Variants in TRPC4 observed in about 807,000 individuals in gnomAD.
TRPC4 encodes the protein transient receptor potential cation channel subfamily C member 4.
In TRPC4, 49 loss-of-function variants were observed where a neutral mutation model predicts 99.4. The ratio of observed to expected loss-of-function variants is 0.49; its 90% CI spans 0.39 to 0.63. The LOEUF (loss-of-function observed/expected upper bound fraction) is 0.63. Ranked by LOEUF, TRPC4 falls within the 20% of genes least tolerant of loss-of-function variation. The probability of loss-of-function intolerance (pLI) is 0.00; values close to 1 mark genes in which losing one functional copy is unlikely to be tolerated. For synonymous variants in TRPC4, 454 were observed against 425.9 expected (o/e 1.07, Z -0.81); for missense variants, 898 against 1,152.9 (o/e 0.78, Z 3.20).
intron 3 of TRPC4, among the ~76,000 whole-genome samples, chr13:37,729,844 C>A (rs1326736438): frequency 6.6e-6 from 1 of 152,108 alleles, no homozygotes; most frequent in Non-Finnish European, 1.5e-5. Context: ...TCATTAAACA[C>A]TAACTCCTCA....
At chr13:37,681,431 G>C (rs1953235083) in intron 4 of TRPC4, among the ~76,000 whole-genome samples, 1 of 152,094 alleles carries the variant, frequency 6.6e-6, no homozygotes, top group Non-Finnish European at 1.5e-5. Flanking sequence ...ATGTCTGTTG[G>C]CTAATGTGGT....
chr13:37,806,969 C>T (rs1408880796), intron 1 of TRPC4, among the ~76,000 whole-genome samples: 1 of 151,928 alleles, frequency 6.6e-6, no homozygotes, highest in African/African-American at 2.4e-5. Context: ...ATCTCTATTC[C>T]CAGAGAACTG....
At chr13:37,819,282 G>T (rs1412686038) in intron 1 of TRPC4, among the ~76,000 whole-genome samples, 1 of 151,952 alleles carries the variant, frequency 6.6e-6, no homozygotes, top group Non-Finnish European at 1.5e-5. Flanking sequence ...ATTTCTCAAA[G>T]ATCTAAAGAC....
At chr13:37,749,539 G>A (rs1311144001) in intron 2 of TRPC4, among the ~76,000 whole-genome samples, 2 of 151,986 alleles carry the variant, frequency 1.3e-5, no homozygotes, top group Admixed American at 6.6e-5. Context: ...TAGGTCTCAG[G>A]GGACAGGTTT....
chr13:37,841,007 T>C (rs1958716416), intron 1 of TRPC4, among the ~76,000 whole-genome samples: 2 of 152,102 alleles, frequency 1.3e-5, no homozygotes, highest in South Asian at 2.1e-4. Context: ...CTAATTCTAA[T>C]CAGCACAAAG....
intron 2 of TRPC4, among the ~76,000 whole-genome samples, chr13:37,758,456 A>G (rs1186863739): frequency 1.3e-5 from 2 of 151,790 alleles, no homozygotes; most frequent in Admixed American, 6.6e-5. Flanking sequence ...ACTCACAATA[A>G]AGAGTGAAAA....
At chr13:37,639,331 A>G (rs765950182) in intron 8 of TRPC4, 32 bp from the exon 9 acceptor site, 14 of 1,598,436 alleles carry the variant, frequency 8.8e-6, no homozygotes, top group African/African-American at 8.1e-5. Flanking sequence ...CTTTCTGGTT[A>G]TACTGTTATA....
At chr13:37,748,673 T>C (rs1257679167) in intron 2 of TRPC4, among the ~76,000 whole-genome samples, 3 of 152,038 alleles carry the variant, frequency 2.0e-5, no homozygotes, top group Non-Finnish European at 2.9e-5. Context: ...CCAAATCTCA[T>C]TAAGAATTTC....
intron 1 of TRPC4, among the ~76,000 whole-genome samples, chr13:37,809,758 A>G (rs988158322): frequency 6.6e-6 from 1 of 152,094 alleles, no homozygotes; most frequent in African/African-American, 2.4e-5. Flanking sequence ...AAAATTCAGA[A>G]CTGTGGGTCC....
chr13:37,827,647 G>T (rs546982597), intron 1 of TRPC4, among the ~76,000 whole-genome samples: 1 of 152,268 alleles, frequency 6.6e-6, no homozygotes, highest in Non-Finnish European at 1.5e-5. Flanking sequence ...CTCCAGCTGC[G>T]TACTGGGAGA....
intron 6 of TRPC4, among the ~76,000 whole-genome samples, chr13:37,656,295 C>T (rs1455300577): frequency 6.6e-6 from 1 of 152,082 alleles, no homozygotes; most frequent in Non-Finnish European, 1.5e-5. Context: ...TAAAATGAGA[C>T]TATATTTAAA....
intron 5 of TRPC4, among the ~76,000 whole-genome samples, chr13:37,667,677 C>T (rs2138720140): frequency 6.6e-6 from 1 of 152,332 alleles, no homozygotes; most frequent in African/African-American, 2.4e-5. Context: ...TCAATCACAA[C>T]ATTGTCCTTG....
At chr13:37,675,378 C>T (rs888090631) in intron 4 of TRPC4, among the ~76,000 whole-genome samples, 1 of 152,140 alleles carries the variant, frequency 6.6e-6, no homozygotes, top group Non-Finnish European at 1.5e-5. Context: ...GCAGAGTATG[C>T]AAGGAAGAGA....
At chr13:37,684,392 G>A (rs1247026379) in intron 4 of TRPC4, among the ~76,000 whole-genome samples, 4 of 152,132 alleles carry the variant, frequency 2.6e-5, no homozygotes, top group Non-Finnish European at 4.4e-5. Flanking sequence ...AGGATGCCAT[G>A]TTAGTTTCAG....
chr13:37,803,368 A>G (rs191764116), intron 1 of TRPC4, among the ~76,000 whole-genome samples: 183 of 152,194 alleles, frequency 1.2e-3, no homozygotes, highest in African/African-American at 4.1e-3. Flanking sequence ...TGGCTGAGCT[A>G]AGAAAAACAT....
intron 3 of TRPC4, among the ~76,000 whole-genome samples, chr13:37,724,864 T>C (rs1444740543): frequency 6.6e-6 from 1 of 152,190 alleles, no homozygotes; most frequent in African/African-American, 2.4e-5. Flanking sequence ...AAAGGCTGAA[T>C]TGGTGAATGC....
intron 2 of TRPC4, among the ~76,000 whole-genome samples, chr13:37,766,479 C>T (rs899105868): frequency 6.6e-6 from 1 of 151,398 alleles, no homozygotes; most frequent in African/African-American, 2.4e-5. Context: ...TAATCAAAAA[C>T]TTCCTATGGA....
chr13:37,849,953 C>T (rs1330464880), intron 1 of TRPC4, among the ~76,000 whole-genome samples: 2 of 152,138 alleles, frequency 1.3e-5, no homozygotes, highest in African/African-American at 2.4e-5. Context: ...ATGAAAACTA[C>T]CCGATATATT....
intron 4 of TRPC4, among the ~76,000 whole-genome samples, chr13:37,677,357 GA>G (rs1379007741): frequency 6.6e-6 from 1 of 151,930 alleles, no homozygotes; most frequent in Non-Finnish European, 1.5e-5. Context: ...TATACTCAAT[GA>G]AATGTATGAT....
Sources: gnomAD v4.1 joint callset for allele counts (sites outside exome capture counted in the v4.1 genomes callset) on GRCh38, gnomAD v4.1.1 for gene constraint, MANE v1.5 for transcripts, NCBI Gene and HGNC (gene_info 2026-07-23, HGNC 2026-07-21) for gene names.